PCCA: variants seen among roughly 807,000 people sequenced by gnomAD.
The protein encoded by PCCA is propionyl-CoA carboxylase subunit alpha.
A neutral mutation model predicts 101.3 loss-of-function variants in PCCA; 74 were observed. That is an observed-to-expected ratio of 0.73 (90% CI 0.61 to 0.89). The LOEUF is 0.89. Among genes scored for constraint, PCCA ranks in the 40% least tolerant of loss-of-function variants. The pLI is 0.00. For synonymous variants in PCCA, 294 were observed against 313.6 expected (o/e 0.94, Z 0.66); for missense variants, 891 against 907.0 (o/e 0.98, Z 0.23).
At chr13:100,472,886 A>AT (rs1041510503) in intron 21 of PCCA, among the ~76,000 whole-genome samples, 3 of 151,866 alleles carry the variant, frequency 2.0e-5, no homozygotes, top group Non-Finnish European at 2.9e-5. Context: ...AAAAAAAAAA[A>AT]TTTAAACCTG....
intron 20 of PCCA, among the ~76,000 whole-genome samples, chr13:100,443,927 A>G (rs1932240): frequency 0.12 from 18,696 of 151,846 alleles, 2,151 homozygotes; most frequent in African/African-American, 0.31. Context: ...TCCCCATTCT[A>G]TGTATCTTCA....
intron 10 of PCCA, among the ~76,000 whole-genome samples, chr13:100,265,484 A>T (rs1374057228): frequency 1.3e-5 from 2 of 152,126 alleles, no homozygotes; most frequent in Non-Finnish European, 2.9e-5. Context: ...TTTTCTGCAG[A>T]TAGTTTTCAT....
At chr13:100,344,840 CT>C (rs565459884) in intron 18 of PCCA, among the ~76,000 whole-genome samples, 186 of 152,256 alleles carry the variant, frequency 1.2e-3, no homozygotes, top group South Asian at 4.8e-3. Context: ...CATGTGTTCA[CT>C]GTCTCTGTGT....
chr13:100,345,232 T>C (rs914448189), intron 18 of PCCA, among the ~76,000 whole-genome samples: 7 of 152,254 alleles, frequency 4.6e-5, no homozygotes, highest in African/African-American at 1.7e-4. Flanking sequence ...CGAGGCAGGC[T>C]AGGCCTCTTG....
At chr13:100,414,030 T>G (rs1378084810) in intron 19 of PCCA, among the ~76,000 whole-genome samples, 1 of 152,206 alleles carries the variant, frequency 6.6e-6, no homozygotes. Flanking sequence ...ATTAATGAGG[T>G]GATAATTAAA....
intron 6 of PCCA, among the ~76,000 whole-genome samples, chr13:100,175,449 T>C (rs2056148402): frequency 6.6e-6 from 1 of 152,212 alleles, no homozygotes; most frequent in Non-Finnish European, 1.5e-5. Context: ...TATAAGGTAG[T>C]GAGAGTGGTG....
intron 6 of PCCA, among the ~76,000 whole-genome samples, chr13:100,188,406 T>A (rs1289347744): frequency 6.6e-6 from 1 of 152,278 alleles, no homozygotes; most frequent in Non-Finnish European, 1.5e-5. Context: ...TTTTTATGGC[T>A]GAGTGGTCGT....
rs186369541 is a variant in PCCA at position 100,203,047 on chromosome 13, C to T, written c.469-6285C>T. 4.2e-3 allele frequency among the ~76,000 whole-genome samples: 643 copies of T among 151,740 alleles called. 11 individuals are homozygous for T. The highest frequency in any genetic ancestry group is 0.015 in the African/African-American group (602 of 41,380). On this transcript the variant is annotated intron_variant, in intron 6 of 23. Coordinates refer to ENST00000376285, the MANE Select transcript of PCCA (RefSeq NM_000282.4). Reference sequence around the variant, plus strand: ...CAGCACTTTGGGAGGCCAAGGTAGGCGGATCACGAGATCAGGAGTTCGATA... The same window carrying T: ...CAGCACTTTGGGAGGCCAAGGTAGGTGGATCACGAGATCAGGAGTTCGATA...
chr13:100,421,829 C>T (rs1244311035), intron 19 of PCCA, among the ~76,000 whole-genome samples: 10 of 151,998 alleles, frequency 6.6e-5, no homozygotes, highest in Admixed American at 6.6e-4. Context: ...GGACTACAGG[C>T]ACCCACTACC....
At chr13:100,248,852 T>TC (rs1473295068) in intron 8 of PCCA, among the ~76,000 whole-genome samples, 2 of 152,086 alleles carry the variant, frequency 1.3e-5, no homozygotes, top group Non-Finnish European at 2.9e-5. Context: ...GTTCAAGTGA[T>TC]CCTCCTGCCT....
At chr13:100,480,450 A>C (rs1337845742) in intron 21 of PCCA, 1 of 152,192 alleles carries the variant, frequency 6.6e-6, no homozygotes, top group East Asian at 1.9e-4. Context: ...AAAGCATTAC[A>C]CTTTGCAAAG....
rs1451616219 is a variant in PCCA at position 100,309,822 on chromosome 13, C to T, written c.1354-11C>T. 6.3e-7 allele frequency: 1 copy of T among 1,597,366 alleles called. No individual in the cohort carries two copies. Among genetic ancestry groups the T allele is most frequent in the Non-Finnish European group, 8.6e-7 (1 of 1,165,366 alleles). Reference sequence around the variant, plus strand: ...ATATATATATTGGGTTTTTTGTTTGCTTGTTTTTAGCTAATCACATATGGC... The same window carrying T: ...ATATATATATTGGGTTTTTTGTTTGTTTGTTTTTAGCTAATCACATATGGC... On this transcript the variant is annotated splice_polypyrimidine_tract_variant and intron_variant, in intron 15 of 23. Transcript: ENST00000376285.
rs545012532 is a variant in PCCA, at chr13:100,257,966, G to T, written c.716+293G>T. 2.0e-5 allele frequency among the ~76,000 whole-genome samples: 3 copies of T among 151,746 alleles called. No homozygotes were observed. In the East Asian group the frequency reaches 5.8e-4, roughly 29 times the overall value. On this transcript the variant is annotated intron_variant, in intron 9 of 23. Transcript: ENST00000376285. ...ATTACAGTCAGGATTCTATTTTCTG[G>T]GCATAAATTACTAACATTTGGCTAT... is the stretch of plus-strand genomic sequence containing the variant.
intron 18 of PCCA, among the ~76,000 whole-genome samples, chr13:100,356,355 C>T (rs2073952252): frequency 1.3e-5 from 2 of 151,998 alleles, no homozygotes; most frequent in Admixed American, 6.6e-5. Context: ...ATTTGCAAAT[C>T]ATATATATTT....
At chr13:100,458,423 G>A (rs113712844) in intron 21 of PCCA, among the ~76,000 whole-genome samples, 8 of 89,630 alleles carry the variant, frequency 8.9e-5, no homozygotes, top group Admixed American at 3.3e-4. Context: ...ATCTCTGCGC[G>A]CACACACACA....
At chr13:100,425,784 T>C in intron 20 of PCCA, 53 bp downstream of exon 20, 1 of 1,134,636 alleles carries the variant, frequency 8.8e-7, no homozygotes, top group South Asian at 1.3e-5. Flanking sequence ...AGAATCCTTG[T>C]CAGCACCTGT....
At chr13:100,293,722 G>C (rs1415257224) in intron 12 of PCCA, among the ~76,000 whole-genome samples, 1 of 152,130 alleles carries the variant, frequency 6.6e-6, no homozygotes, top group Non-Finnish European at 1.5e-5. Context: ...AGCCAGAATT[G>C]GGATGTTTTG....
intron 16 of PCCA, among the ~76,000 whole-genome samples, chr13:100,316,914 C>T (rs2067412098): frequency 6.6e-6 from 1 of 151,984 alleles, no homozygotes. Flanking sequence ...GCTGGGACTA[C>T]AGGGGTGCGC....
intron 6 of PCCA, among the ~76,000 whole-genome samples, chr13:100,200,091 C>T (rs765192277): frequency 1.3e-5 from 2 of 151,876 alleles, no homozygotes; most frequent in African/African-American, 4.8e-5. Flanking sequence ...TGTTCCAACT[C>T]TTTATTTTTA....
Sources: gnomAD v4.1 joint callset for allele counts (sites outside exome capture counted in the v4.1 genomes callset) on GRCh38, gnomAD v4.1.1 for gene constraint, MANE v1.5 for transcripts, NCBI Gene and HGNC (gene_info 2026-07-23, HGNC 2026-07-21) for gene names.